The following RAPGEF6 variants were observed in gnomAD, a reference collection of about 807,000 sequenced individuals.
The protein encoded by RAPGEF6 is PDZ domain containing guanine nucleotide exchange factor (GEF) 2.
In RAPGEF6, 56 loss-of-function variants were observed where a neutral mutation model predicts 171.4. The observed-to-expected ratio is 0.33, with a 90% CI of 0.26 to 0.41. RAPGEF6 has a LOEUF of 0.41. RAPGEF6 is among the 10% of genes least tolerant of loss of function. RAPGEF6 has a pLI of 1.00. For missense variants in RAPGEF6, 1,674 were observed against 1,921.4 expected (o/e 0.87, Z 2.41); for synonymous variants, 692 against 650.1 (o/e 1.06, Z -0.98).
chr5:131,454,224 G>A (rs930743690), intron 20 of RAPGEF6, among the ~76,000 whole-genome samples: 7 of 152,184 alleles, frequency 4.6e-5, no homozygotes, highest in Non-Finnish European at 1.0e-4. Flanking sequence ...TGTAGACTGG[G>A]ATAAAAGTCT....
Position 131,453,074 on chromosome 5 carries a change from T to G in RAPGEF6, c.3180A>C (p.Pro1060=), listed in dbSNP as rs556321285. Residue 1060 remains proline (P), a synonymous_variant, in exon 21 of 28, where the codon CCA becomes CCC. Transcript: ENST00000509018. ...VVRMTSANMD[P]AMMFRQRSLS... Reference sequence around the variant, plus strand: ...CCTACCTCTGTCGAAACATCATAGCTGGGTCCATGTTAGCAGAAGTCATTC... The same window carrying G: ...CCTACCTCTGTCGAAACATCATAGCGGGGTCCATGTTAGCAGAAGTCATTC... The G allele has an allele frequency of 6.2e-7, 1 of 1,614,030 alleles. No homozygotes were observed. Among genetic ancestry groups the G allele is most frequent in the Admixed American group, 1.7e-5 (1 of 60,020 alleles).
chr5:131,622,202 T>C (rs988853275), intron 1 of RAPGEF6, among the ~76,000 whole-genome samples: 4 of 151,458 alleles, frequency 2.6e-5, no homozygotes, highest in Admixed American at 2.0e-4. Flanking sequence ...AAAAAGAGGA[T>C]GGTAACCTAT....
chr5:131,532,096 C>A (rs1033922737), intron 6 of RAPGEF6: 5 of 435,234 alleles, frequency 1.1e-5, no homozygotes, highest in Non-Finnish European at 2.3e-5. Flanking sequence ...ATAACAATTA[C>A]TTACTTTGGA....
chr5:131,454,390 C>T (rs569596284), intron 20 of RAPGEF6, among the ~76,000 whole-genome samples: 73 of 152,068 alleles, frequency 4.8e-4, no homozygotes, highest in African/African-American at 1.7e-3. Context: ...AATAACCAGG[C>T]ACATCAGGAG....
rs1554088737 is a variant in RAPGEF6, at chr5:131,623,477, C to CATTTTTTTTTTTTTT, written c.69+11484_69+11485insAAAAAAAAAAAAAAT. 3.5e-5 allele frequency among the ~76,000 whole-genome samples: 4 copies of CATTTTTTTTTTTTTT among 114,182 alleles called. 1 individual carries two copies. The highest frequency in any genetic ancestry group is 1.3e-4 in the African/African-American group (4 of 29,634). 74.9% of individuals were successfully genotyped at this position (114,182 alleles called of 152,430 possible). ...TAAAGGAACAGTATTTTTCACATTG[C>CATTTTTTTTTTTTTT]TTTTTTTTTTTTTTTTTTTTTGTGA... On this transcript the variant is annotated intron_variant, in intron 1 of 27. Coordinates refer to ENST00000509018, the MANE Select transcript of RAPGEF6 (RefSeq NM_016340.6).
chr5:131,549,681 TAAA>T (rs963680900), intron 5 of RAPGEF6, among the ~76,000 whole-genome samples: 1 of 146,230 alleles, frequency 6.8e-6, no homozygotes, highest in Non-Finnish European at 1.5e-5. Flanking sequence ...CCCTGTCTCT[TAAA>T]AAAAAAAAAG....
Position 131,604,651 on chromosome 5 carries a change from A to G in RAPGEF6, c.112T>C (p.Leu38=), listed in dbSNP as rs369845333. 21 of 1,612,166 alleles carry G rather than the reference A, an allele frequency of 1.3e-5. No homozygotes were observed. The African/African-American group carries it at 2.3e-4, about 17-fold the overall frequency. ...AGCTGATGTTCCCTGAGATTTGATA[A>G]TATTTCCATTCCATGAAGATAAGAA... ...IYSYLHGMEI[L]SNLREHQLRL... Residue 38 remains leucine (L), a synonymous_variant, in exon 2 of 28, where the codon TTA becomes CTA. Transcript: ENST00000509018.
chr5:131,606,829 G>T (rs903435323), intron 1 of RAPGEF6, among the ~76,000 whole-genome samples: 14 of 152,176 alleles, frequency 9.2e-5, no homozygotes, highest in African/African-American at 2.9e-4. Flanking sequence ...AGGCCACATG[G>T]AATAACACCA....
rs536591893 is a variant in RAPGEF6, at chr5:131,570,529, AG to A, written c.282-8483del. Among the ~76,000 whole-genome samples the A allele has an allele frequency of 2.3e-4, 35 of 152,334 alleles. No homozygotes were observed. The East Asian group carries it at 2.3e-3, about 10-fold the overall frequency. On this transcript the variant is annotated intron_variant, in intron 4 of 27. Coordinates refer to ENST00000509018, the MANE Select transcript of RAPGEF6 (RefSeq NM_016340.6). ...ATTTTGATAGAAGCATTTTTGTGAC[AG>A]CCCCAAATTAAAACTAAAATTTTCA...
At chr5:131,557,552 C>T (rs1401955340) in intron 5 of RAPGEF6, among the ~76,000 whole-genome samples, 1 of 152,028 alleles carries the variant, frequency 6.6e-6, no homozygotes, top group Non-Finnish European at 1.5e-5. Context: ...TCTTTTTTCC[C>T]CTGCCTAAAT....
intron 1 of RAPGEF6, among the ~76,000 whole-genome samples, chr5:131,633,391 G>C (rs1766436621): frequency 1.3e-5 from 2 of 152,000 alleles, no homozygotes; most frequent in Admixed American, 6.6e-5. Context: ...AAGAGCAGTA[G>C]GATTTTTCCA....
intron 5 of RAPGEF6, among the ~76,000 whole-genome samples, chr5:131,555,165 C>T (rs1487619499): frequency 3.3e-5 from 5 of 152,116 alleles, no homozygotes; most frequent in Non-Finnish European, 7.4e-5. Context: ...TCTCTGCTTC[C>T]TAGTGAAGGA....
Position 131,510,509 on chromosome 5 carries a change from G to A in RAPGEF6, c.628-18C>T, listed in dbSNP as rs781148462. ...TCCGTAGCCTATGAAAAGAAATCTT[G>A]ATCACTTACCATTTCATGTAAAAAA... On this transcript the variant is annotated intron_variant, in intron 7 of 27. Coordinates refer to ENST00000509018, the MANE Select transcript of RAPGEF6 (RefSeq NM_016340.6). 6.2e-7 allele frequency: 1 copy of A among 1,604,290 alleles called. No homozygotes were observed. The highest frequency in any genetic ancestry group is 8.5e-7 in the Non-Finnish European group (1 of 1,175,156).
intron 24 of RAPGEF6, chr5:131,436,333 C>G: frequency 6.5e-7 from 1 of 1,537,572 alleles, no homozygotes; most frequent in Non-Finnish European, 8.7e-7. Context: ...TATTCCGGGG[C>G]AGCTCTGGCC....
At chr5:131,579,121 G>A (rs761984589) in intron 4 of RAPGEF6, among the ~76,000 whole-genome samples, 1 of 151,966 alleles carries the variant, frequency 6.6e-6, no homozygotes, top group Non-Finnish European at 1.5e-5. Flanking sequence ...GCAGGCCTTC[G>A]CGGTGAGTGT....
At chr5:131,555,003 C>T (rs755886265) in intron 5 of RAPGEF6, among the ~76,000 whole-genome samples, 70 of 152,134 alleles carry the variant, frequency 4.6e-4, no homozygotes, top group Middle Eastern at 3.4e-3. Context: ...TAAATTCAAA[C>T]CTATCAGCAA....
rs866733550 is a variant in RAPGEF6, at chr5:131,433,714, G to A, written c.3746-56C>T. ...CAAAAAAAGGGAACATATGGTGGGG[G>A]TAGTAGGGGAAAGGATGAAAAAAAA... On this transcript the variant is annotated intron_variant, in intron 24 of 27. Coordinates refer to ENST00000509018, the MANE Select transcript of RAPGEF6 (RefSeq NM_016340.6). 8 of 1,285,356 alleles carry A rather than the reference G, an allele frequency of 6.2e-6. No homozygotes were observed. The Middle Eastern group carries it at 9.3e-4, about 150-fold the overall frequency. The allele number at this position is 1,285,356 out of a possible 1,614,324, so 79.6% of individuals were successfully genotyped here. A position where few individuals can be genotyped will look rare whatever the true frequency, so the allele number is the denominator to read the frequency against.
rs528823601 is a variant in RAPGEF6, at chr5:131,455,772, T to G, written c.3076+29A>C. On this transcript the variant is annotated intron_variant, in intron 20 of 27. Coordinates refer to ENST00000509018, the MANE Select transcript of RAPGEF6 (RefSeq NM_016340.6). ...GGTAGACTTTAGATAAACCATGTGG[T>G]AAAACATCAATAAATAATGTTTTCA... The G allele has an allele frequency of 7.0e-6, 11 of 1,564,910 alleles. No homozygotes were observed. The East Asian group carries it at 2.0e-4, about 29-fold the overall frequency.
At position 131,472,638 on chromosome 5, in the gene RAPGEF6, G is replaced by A. The variant is rs762074875; in HGVS notation, c.2188C>T (p.Pro730Ser). The A allele has an allele frequency of 6.2e-6, 10 of 1,613,952 alleles. No homozygotes were observed. In the African/African-American group the frequency reaches 9.3e-5, roughly 15 times the overall value. Residue 730 changes from proline to serine, a missense_variant, in exon 17 of 28, where the codon CCT (proline) becomes TCT (serine). Physicochemically the swap from Pro to Ser is moderately conservative, Grantham distance 74 (BLOSUM62 -1). Around this residue, in one of 3 missense-constraint regions of RAPGEF6, gnomAD observed 1,116 missense variants for 1,321.5 expected, o/e 0.84. Coordinates refer to ENST00000509018, the MANE Select transcript of RAPGEF6 (RefSeq NM_016340.6). ...CTGGTGGTAGGCTGCAGGAGATCAGGGCTGCTGGATGAGAGTGTTCCAGGG... is the reference window on the plus strand; with the variant it reads ...CTGGTGGTAGGCTGCAGGAGATCAGAGCTGCTGGATGAGAGTGTTCCAGGG... ...PIPGTLSSSS[P>S]DLLQPTTSML...
Sources: gnomAD v4.1 joint callset for allele counts (sites outside exome capture counted in the v4.1 genomes callset) on GRCh38, gnomAD v4.1.1 for gene constraint, gnomAD v4.1.1 regional missense constraint, MANE v1.5 for transcripts, NCBI Gene and HGNC (gene_info 2026-07-23, HGNC 2026-07-21) for gene names.